Variants in SLC35F4 observed in about 807,000 individuals in gnomAD.
SLC35F4 encodes the protein chromosome 14 open reading frame 36.
In SLC35F4, 24 loss-of-function variants were observed where a neutral mutation model predicts 44.2. That is an observed-to-expected ratio of 0.54 (90% CI 0.39 to 0.76). The LOEUF is 0.76. SLC35F4 is among the 30% of genes least tolerant of loss of function. The pLI is 0.00. For synonymous variants in SLC35F4, 238 were observed against 223.6 expected (o/e 1.06, Z -0.57); for missense variants, 562 against 586.1 (o/e 0.96, Z 0.42).
chr14:57,980,365 G>C (rs1481965697), intron 1 of SLC35F4, among the ~76,000 whole-genome samples: 1 of 152,232 alleles, frequency 6.6e-6, no homozygotes, highest in African/African-American at 2.4e-5. Flanking sequence ...CTTGTTGCCT[G>C]AACAGGGTGT....
At chr14:57,981,511 T>A (rs1478964977) in intron 1 of SLC35F4, among the ~76,000 whole-genome samples, 1 of 151,982 alleles carries the variant, frequency 6.6e-6, no homozygotes, top group African/African-American at 2.4e-5. Context: ...AATTTGAATA[T>A]TTTTTTTAAA....
chr14:57,974,331 G>A (rs968517929), downstream of SLC35F4, among the ~76,000 whole-genome samples: 19 of 152,144 alleles, frequency 1.2e-4, no homozygotes, highest in East Asian at 3.7e-3. Context: ...AAAGCTGCAA[G>A]CCTTCTTTTG....
chr14:57,779,249 GAAGAA>G (rs891489795), intron 1 of SLC35F4, among the ~76,000 whole-genome samples: 11 of 151,888 alleles, frequency 7.2e-5, no homozygotes, highest in African/African-American at 9.7e-5. Flanking sequence ...GCTAGACAAA[GAAGAA>G]AAGATCAGAA....
chr14:57,625,760 G>GA (rs1336489455), intron 1 of SLC35F4, among the ~76,000 whole-genome samples: 1 of 152,186 alleles, frequency 6.6e-6, no homozygotes, highest in Non-Finnish European at 1.5e-5. Context: ...GCAGAAAACT[G>GA]AAACTGGATC....
chr14:57,677,798 G>A (rs1330250999), intron 1 of SLC35F4, among the ~76,000 whole-genome samples: 4 of 139,740 alleles, frequency 2.9e-5, no homozygotes, highest in African/African-American at 1.1e-4. Context: ...AGAGTTCTCA[G>A]AAATAAAAAA....
chr14:57,658,751 T>C (rs764393891), intron 1 of SLC35F4, among the ~76,000 whole-genome samples: 18 of 152,130 alleles, frequency 1.2e-4, no homozygotes, highest in Non-Finnish European at 2.2e-4. Flanking sequence ...TATATGGATG[T>C]CACCTGTCTA....
At chr14:57,768,876 C>T (rs1358209042) in intron 1 of SLC35F4, among the ~76,000 whole-genome samples, 15 of 152,216 alleles carry the variant, frequency 9.9e-5, no homozygotes, top group Admixed American at 9.8e-4. Flanking sequence ...CCTCAGCCTC[C>T]TGAGTAGCTG....
At chr14:57,912,130 T>C (rs1227990152) in intron 1 of SLC35F4, among the ~76,000 whole-genome samples, 1 of 151,996 alleles carries the variant, frequency 6.6e-6, no homozygotes, top group Non-Finnish European at 1.5e-5. Context: ...CTTTCATTTC[T>C]GTTATTAGTA....
At chr14:57,659,763 C>A (rs761344477) in intron 1 of SLC35F4, among the ~76,000 whole-genome samples, 1 of 152,136 alleles carries the variant, frequency 6.6e-6, no homozygotes, top group African/African-American at 2.4e-5. Flanking sequence ...TTAAAAATGA[C>A]GTGAGGACAA....
intron 1 of SLC35F4, among the ~76,000 whole-genome samples, chr14:57,949,954 T>C (rs947552833): frequency 1.3e-5 from 2 of 152,176 alleles, no homozygotes; most frequent in African/African-American, 4.8e-5. Flanking sequence ...TCACAGGTCT[T>C]AAGATTCTTT....
At chr14:57,902,581 G>C (rs1388579173) in intron 1 of SLC35F4, among the ~76,000 whole-genome samples, 1 of 149,994 alleles carries the variant, frequency 6.7e-6, no homozygotes, top group African/African-American at 2.5e-5. Flanking sequence ...AAAAAAAGAA[G>C]AAGAAGAAGA....
chr14:57,851,672 A>G (rs2140986841), intron 1 of SLC35F4, among the ~76,000 whole-genome samples: 1 of 152,338 alleles, frequency 6.6e-6, no homozygotes, highest in African/African-American at 2.4e-5. Context: ...TACCTGAGAG[A>G]CATGACAAGT....
intron 1 of SLC35F4, among the ~76,000 whole-genome samples, chr14:57,849,943 T>C: frequency 6.6e-6 from 1 of 152,238 alleles, no homozygotes; most frequent in East Asian, 1.9e-4. Context: ...AAGGATACAC[T>C]GGTTTGCAGT....
At chr14:57,631,808 T>G (rs1035352064) in intron 1 of SLC35F4, among the ~76,000 whole-genome samples, 2 of 152,114 alleles carry the variant, frequency 1.3e-5, no homozygotes, top group African/African-American at 2.4e-5. Flanking sequence ...AAAGATCGTT[T>G]TGGGGACAAA....
At chr14:57,964,351 A>G (rs747648345) in intron 1 of SLC35F4, among the ~76,000 whole-genome samples, 5 of 152,090 alleles carry the variant, frequency 3.3e-5, no homozygotes, top group Non-Finnish European at 7.4e-5. Flanking sequence ...AGGGAAGTGA[A>G]AGATGTACTT....
At chr14:57,941,308 G>A (rs1489918214) in intron 1 of SLC35F4, among the ~76,000 whole-genome samples, 2 of 152,086 alleles carry the variant, frequency 1.3e-5, no homozygotes, top group Non-Finnish European at 2.9e-5. Context: ...ATGGATAAAT[G>A]GCTAAATTAT....
At chr14:57,970,889 C>T (rs865974444) in intron 1 of SLC35F4, among the ~76,000 whole-genome samples, 3 of 152,204 alleles carry the variant, frequency 2.0e-5, no homozygotes, top group Non-Finnish European at 2.9e-5. Flanking sequence ...TGACCATCCT[C>T]CTACTGAAGG....
At chr14:57,778,729 A>G (rs2077550912) in intron 1 of SLC35F4, among the ~76,000 whole-genome samples, 1 of 151,290 alleles carries the variant, frequency 6.6e-6, no homozygotes, top group African/African-American at 2.4e-5. Context: ...ATATAAAACA[A>G]TGCTCAGCAA....
intron 1 of SLC35F4, among the ~76,000 whole-genome samples, chr14:57,746,399 A>G (rs1485745368): frequency 6.6e-6 from 1 of 151,996 alleles, no homozygotes; most frequent in Non-Finnish European, 1.5e-5. Flanking sequence ...CTTTTTCTGT[A>G]TTTTTTGTAA....
Sources: gnomAD v4.1 joint callset for allele counts (sites outside exome capture counted in the v4.1 genomes callset) on GRCh38, gnomAD v4.1.1 for gene constraint, MANE v1.5 for transcripts, NCBI Gene and HGNC (gene_info 2026-07-23, HGNC 2026-07-21) for gene names.